ACTG1: variants seen among roughly 807,000 people sequenced by gnomAD.
ACTG1 encodes the protein actin gamma 1.
ACTG1 carries 14 observed loss-of-function variants against 34.3 expected under a neutral mutation model. The observed-to-expected ratio is 0.41, with a 90% CI of 0.27 to 0.64. The LOEUF (loss-of-function observed/expected upper bound fraction) is 0.64, where lower values mean the gene tolerates loss of function less well. ACTG1 is among the 30% of genes least tolerant of loss of function. ACTG1 has a pLI of 0.33. For synonymous variants in ACTG1, 422 were observed against 213.9 expected, an observed-to-expected ratio of 1.97 and a Z score of -8.49; for missense variants, 233 against 529.5, an observed-to-expected ratio of 0.44 and a Z score of 5.50.
In ACTG1 at chr17:81,510,461, A is replaced by G. The variant is rs533845625; in HGVS notation, c.*229T>C. On this transcript the variant is annotated 3_prime_UTR_variant, in exon 6 of 6. Transcript: ENST00000573283. ...AAAGGTTGAACTCAAAGATATGTAC[A>G]GGGTATTAAACAAATACCAAGGGGA... 9 of 690,366 alleles carry G rather than the reference A, an allele frequency of 1.3e-5. No homozygotes were observed. Among genetic ancestry groups the G allele is most frequent in the East Asian group, 1.2e-4 (4 of 34,716 alleles). 42.8% of individuals were successfully genotyped at this position (690,366 alleles called of 1,614,324 possible).
In ACTG1 at chr17:81,511,192, G is replaced by A. The variant is rs377628364; in HGVS notation, c.798C>T (p.Phe266=). The A allele has an allele frequency of 2.3e-5, 37 of 1,613,602 alleles. No individual in the cohort carries two copies. The highest frequency in any genetic ancestry group is 3.3e-5 in the South Asian group (3 of 91,090). ...CCTTTAGCTCACAACACCTACCCAG[G>A]AAGGAAGGCTGGAACAGCGCCTCCG... The part of the protein sequence containing the change: ...RCPEALFQPS[F]LGMESCGIHE... Residue 266 remains phenylalanine (F), a synonymous_variant, in exon 4 of 6, where the codon TTC becomes TTT. Transcript: ENST00000573283.
Position 81,510,424 on chromosome 17 carries a change from G to A in ACTG1, c.*266C>T, listed in dbSNP as rs1442181477. ...CTTACCTTAGCCACGAAGTGACCAA[G>A]CCACACGTACTAAAGGTTGAACTCA... is the stretch of plus-strand genomic sequence containing the variant. On this transcript the variant is annotated 3_prime_UTR_variant, in exon 6 of 6. Coordinates refer to ENST00000573283, the MANE Select transcript of ACTG1 (RefSeq NM_001614.5). The A allele has an allele frequency of 5.1e-6, 3 of 582,568 alleles. No homozygotes were observed. The highest frequency in any genetic ancestry group is 1.6e-5 in the South Asian group (1 of 61,158). The allele number at this position is 582,568 out of a possible 1,614,324, so 36.1% of individuals were successfully genotyped here. A position where few individuals can be genotyped will look rare whatever the true frequency, so the allele number is the denominator to read the frequency against.
At chr17:81,512,539 G>A (rs570566249) in intron 1 of ACTG1, 179 bp from the exon 2 acceptor site, 120 of 1,046,120 alleles carry the variant, frequency 1.1e-4, no homozygotes, top group East Asian at 6.3e-4. Flanking sequence ...TCCACGGCTC[G>A]GAAGTCTGCA....
At chr17:81,512,164 C>A (rs1555667159) in intron 2 of ACTG1, 22 bp from the exon 3 acceptor site, 1 of 1,613,220 alleles carries the variant, frequency 6.2e-7, no homozygotes, top group Non-Finnish European at 8.5e-7. Context: ...GACCCGTCAG[C>A]CTCGCCGGCG....
At chr17:81,511,668 C>T (rs1555666860) in intron 3 of ACTG1, 42 bp from the exon 4 acceptor site, 1 of 1,590,356 alleles carries the variant, frequency 6.3e-7, no homozygotes, top group Admixed American at 1.7e-5. Flanking sequence ...GACAGAGACC[C>T]ACGGCCACCC....
intron 3 of ACTG1, 95 bp downstream of exon 3, chr17:81,511,808 A>C: frequency 6.3e-7 from 1 of 1,597,208 alleles, no homozygotes; most frequent in Non-Finnish European, 8.6e-7. Flanking sequence ...CAGAGCCTGG[A>C]ACAGCGAAAG....
Position 81,510,452 on chromosome 17 carries a change from G to A in ACTG1, c.*238C>T, listed in dbSNP as rs1464081612. 2.0e-5 allele frequency: 13 copies of A among 666,238 alleles called. No homozygotes were observed. Among genetic ancestry groups the A allele is most frequent in the East Asian group, 9.1e-5 (3 of 33,000 alleles). 41.3% of individuals were successfully genotyped at this position (666,238 alleles called of 1,614,324 possible). A position where few individuals can be genotyped will look rare whatever the true frequency, so the allele number is the denominator to read the frequency against. On this transcript the variant is annotated 3_prime_UTR_variant, in exon 6 of 6. Transcript: ENST00000573283. ...ACACGTACTAAAGGTTGAACTCAAA[G>A]ATATGTACAGGGTATTAAACAAATA...
rs76770927 is a variant in ACTG1, at chr17:81,510,865, A to G, written c.985-32T>C. 30,269 of 1,598,458 alleles carry G rather than the reference A, an allele frequency of 0.019. 640 individuals are homozygous for G. The highest frequency in any genetic ancestry group is 0.1 in the African/African-American group (7,491 of 72,518). ...AGACAGCCAGGCACGGCTTCAGCTC[A>G]CAGAGCGCCCCCCAGTCAGCTCTCC... is the stretch of plus-strand genomic sequence containing the variant. On this transcript the variant is annotated intron_variant, in intron 5 of 5. Transcript: ENST00000573283.
At position 81,511,442 on chromosome 17, in the gene ACTG1, C is replaced by T. The variant is rs781945750; in HGVS notation, c.548G>A (p.Arg183Gln). ...CTTCATGAGGTAGTCGGTCAGGTCC[C>T]GGCCAGCCAGGTCCAGACGCAGGAT... ...HAILRLDLAG[R>Q]DLTDYLMKIL... Residue 183 changes from arginine to glutamine, a missense_variant, in exon 4 of 6, where the codon CGG becomes CAG. Arg to Gln is a conservative substitution (Grantham distance 43, BLOSUM62 1). Coordinates refer to ENST00000573283, the MANE Select transcript of ACTG1 (RefSeq NM_001614.5). The T allele has an allele frequency of 6.2e-7, 1 of 1,613,900 alleles. No individual in the cohort carries two copies. Among genetic ancestry groups the T allele is most frequent in the Non-Finnish European group, 8.5e-7 (1 of 1,180,040 alleles).
At position 81,512,364 on chromosome 17, in the gene ACTG1, C is replaced by G; in HGVS notation, c.-6-4G>C. The G allele has an allele frequency of 6.2e-7, 1 of 1,613,948 alleles. No individual in the cohort carries two copies. On this transcript the variant is annotated splice_region_variant and splice_polypyrimidine_tract_variant and intron_variant, in intron 1 of 5. Transcript: ENST00000573283. Reference sequence around the variant, plus strand: ...CGATCTCTTCTTCCATTGCGACCTGCCCGGAAAAGGATGGACTCAGGCGGG... The same window carrying G: ...CGATCTCTTCTTCCATTGCGACCTGGCCGGAAAAGGATGGACTCAGGCGGG...
intron 1 of ACTG1, 142 bp downstream of exon 1, chr17:81,512,592 C>G (rs1205289929): frequency 1.5e-6 from 1 of 648,750 alleles, no homozygotes; most frequent in Non-Finnish European, 2.6e-6. Context: ...CCCCCCCAGC[C>G]CCGTCCGCCT....
Position 81,511,080 on chromosome 17 carries a change from G to C in ACTG1, c.831C>G (p.Thr277=), listed in dbSNP as rs1555666523. 6.2e-7 allele frequency: 1 copy of C among 1,614,018 alleles called. No individual in the cohort carries two copies. ...CACACTTCATGATGGAGTTGAAGGT[G>C]GTCTCGTGGATGCCGCAAGATTCCA... is the stretch of plus-strand genomic sequence containing the variant. ...LGMESCGIHE[T]TFNSIMKCDV... Residue 277 remains threonine, a synonymous_variant, in exon 5 of 6, where the codon ACC becomes ACG. Coordinates refer to ENST00000573283, the MANE Select transcript of ACTG1 (RefSeq NM_001614.5).
At position 81,510,399 on chromosome 17, in the gene ACTG1, C is replaced by G. The variant is rs782093676; in HGVS notation, c.*291G>C. On this transcript the variant is annotated 3_prime_UTR_variant, in exon 6 of 6. Transcript: ENST00000573283. ...CAGACTTGTCTTCCACAAGCACGTTCTTACCTTAGCCACGAAGTGACCAAG... is the reference window on the plus strand; with the variant it reads ...CAGACTTGTCTTCCACAAGCACGTTGTTACCTTAGCCACGAAGTGACCAAG... 1.9e-6 allele frequency: 1 copy of G among 520,814 alleles called. No individual in the cohort carries two copies. The highest frequency in any genetic ancestry group is 3.6e-6 in the Non-Finnish European group (1 of 279,872). The allele number at this position is 520,814 out of a possible 1,614,324, so 32.3% of individuals were successfully genotyped here.
chr17:81,512,390 C>G lies in ACTG1; in HGVS notation c.-6-30G>C, dbSNP rs558494249. 9 of 1,613,700 alleles carry G rather than the reference C, an allele frequency of 5.6e-6. No individual in the cohort carries two copies. The East Asian group carries it at 1.6e-4, about 28-fold the overall frequency. On this transcript the variant is annotated intron_variant, in intron 1 of 5. Transcript: ENST00000573283. ...CCGGAAAAGGATGGACTCAGGCGGGCGCGTCTGTAACACGGTCCCCTCCCC... is the reference window on the plus strand; with the variant it reads ...CCGGAAAAGGATGGACTCAGGCGGGGGCGTCTGTAACACGGTCCCCTCCCC...
intron 1 of ACTG1, 140 bp downstream of exon 1, chr17:81,512,594 C>T (rs2031886542): frequency 6.2e-6 from 4 of 643,666 alleles, no homozygotes; most frequent in South Asian, 5.6e-5. Context: ...CCCCCAGCCC[C>T]GTCCGCCTGA....
intron 1 of ACTG1, 169 bp downstream of exon 1, chr17:81,512,565 G>A (rs2031883724): frequency 5.0e-6 from 4 of 792,278 alleles, no homozygotes; most frequent in Admixed American, 2.4e-5. Context: ...GCCGGGCCCC[G>A]CCCTGGACCC....
rs936225521 is a variant in ACTG1 at position 81,512,682 on chromosome 17, G to A, written c.-7+52C>T. 5.8e-5 allele frequency: 23 copies of A among 399,122 alleles called. No individual in the cohort carries two copies. In the East Asian group the frequency reaches 1.2e-3, roughly 21 times the overall value. The allele number at this position is 399,122 out of a possible 1,614,324, so 24.7% of individuals were successfully genotyped here. A position where few individuals can be genotyped will look rare whatever the true frequency, so the allele number is the denominator to read the frequency against. On this transcript the variant is annotated intron_variant, in intron 1 of 5. Transcript: ENST00000573283. ...GCTGGAAGCGGGGCCAGCCGGGGTC[G>A]GGGGGCGCAGGCCTGCGACGTCCAG...
rs1598546682 is a variant in ACTG1 at position 81,510,704 on chromosome 17, G to A, written c.1114C>T (p.Arg372Cys). Residue 372 changes from arginine to cysteine, a missense_variant, in exon 6 of 6, where the codon CGC becomes TGC. Coordinates refer to ENST00000573283, the MANE Select transcript of ACTG1 (RefSeq NM_001614.5). ...YDESGPSIVHRKCF is the reference protein window; with the variant it reads ...YDESGPSIVHCKCF ...GCTGAGTCCGTTTAGAAGCATTTGC[G>A]GTGGACGATGGAGGGGCCCGACTCG... is the stretch of plus-strand genomic sequence containing the variant. 6.2e-7 allele frequency: 1 copy of A among 1,614,018 alleles called. No homozygotes were observed. Among genetic ancestry groups the A allele is most frequent in the Non-Finnish European group, 8.5e-7 (1 of 1,179,992 alleles).
chr17:81,512,575 C>T (rs984061120), intron 1 of ACTG1, 159 bp downstream of exon 1: 1 of 726,162 alleles, frequency 1.4e-6, no homozygotes, highest in African/African-American at 1.8e-5. Context: ...GCCCTGGACC[C>T]CCGGCGCCCC....
Sources: allele counts gnomAD v4.1 joint callset, GRCh38; gene constraint gnomAD v4.1.1; transcripts MANE v1.5; gene names NCBI Gene and HGNC (gene_info 2026-07-23, HGNC 2026-07-21).